The following ODAD2 variants were observed in gnomAD, a reference collection of about 807,000 sequenced individuals.
ODAD2 encodes the protein outer dynein arm-docking complex subunit 2.
A neutral mutation model predicts 106.8 loss-of-function variants in ODAD2; 89 were observed. The ratio of observed to expected loss-of-function variants is 0.83; its 90% CI spans 0.70 to 0.99. The LOEUF (loss-of-function observed/expected upper bound fraction) is 0.99, where lower values mean the gene tolerates loss of function less well. Ranked by LOEUF, ODAD2 falls within the 50% of genes least tolerant of loss-of-function variation. ODAD2 has a pLI of 0.00. For synonymous variants in ODAD2, 404 were observed against 436.2 expected, an observed-to-expected ratio of 0.93 and a Z score of 0.92; for missense variants, 1,168 against 1,238.5, an observed-to-expected ratio of 0.94 and a Z score of 0.85.
At chr10:27,959,598 C>T (rs1268851312) in intron 10 of ODAD2, among the ~76,000 whole-genome samples, 8 of 152,110 alleles carry the variant, frequency 5.3e-5, no homozygotes, top group African/African-American at 1.7e-4. Flanking sequence ...AGCATGTGGC[C>T]TGAATCTAGC....
chr10:27,927,854 T>G (rs1379644152), intron 16 of ODAD2, among the ~76,000 whole-genome samples: 1 of 152,172 alleles, frequency 6.6e-6, no homozygotes, highest in Non-Finnish European at 1.5e-5. Flanking sequence ...CTTCTGTTTT[T>G]GTCTTTCTTT....
chr10:27,830,804 T>C (rs1175157129), intron 19 of ODAD2, among the ~76,000 whole-genome samples: 16 of 152,186 alleles, frequency 1.1e-4, no homozygotes, highest in Admixed American at 1.0e-3. Context: ...TTAATATCAG[T>C]TTGGATCTGG....
At chr10:27,824,211 C>A (rs1836860698) in intron 19 of ODAD2, among the ~76,000 whole-genome samples, 2 of 149,306 alleles carry the variant, frequency 1.3e-5, no homozygotes, top group African/African-American at 4.9e-5. Context: ...TCTCTTGTAT[C>A]AGTCTCTAGT....
At chr10:27,969,282 T>C (rs989049276) in intron 8 of ODAD2, among the ~76,000 whole-genome samples, 1 of 151,802 alleles carries the variant, frequency 6.6e-6, no homozygotes, top group Non-Finnish European at 1.5e-5. Context: ...GTGTGAATCC[T>C]GCACCCGATG....
rs1845898387 is a variant in ODAD2 at position 27,935,347 on chromosome 10, T to C, written c.2253-95A>G. ...TTCAATCCTTACAACAACCCAATGA[T>C]ACAGATATTATTAAATCCCCATTAC... On this transcript the variant is annotated intron_variant, in intron 15 of 19. Transcript: ENST00000305242. 2.1e-6 allele frequency: 3 copies of C among 1,440,790 alleles called. No homozygotes were observed. In the Admixed American group the frequency reaches 5.9e-5, roughly 28 times the overall value. 89.3% of individuals were successfully genotyped at this position (1,440,790 alleles called of 1,614,324 possible). A position where few individuals can be genotyped will look rare whatever the true frequency, so the allele number is the denominator to read the frequency against.
intron 16 of ODAD2, among the ~76,000 whole-genome samples, chr10:27,911,334 A>C (rs1321709062): frequency 6.6e-6 from 1 of 152,162 alleles, no homozygotes; most frequent in Non-Finnish European, 1.5e-5. Context: ...CCTGCTCTGC[A>C]CGTGTCCAGG....
chr10:27,932,643 T>C (rs1365926292), intron 16 of ODAD2, among the ~76,000 whole-genome samples: 2 of 152,334 alleles, frequency 1.3e-5, no homozygotes, highest in African/African-American at 4.8e-5. Context: ...TCCTGTCTGA[T>C]ATGTTCATGC....
intron 16 of ODAD2, among the ~76,000 whole-genome samples, 195 bp from the exon 17 acceptor site, chr10:27,907,972 T>A (rs1843720983): frequency 6.6e-6 from 1 of 151,968 alleles, no homozygotes; most frequent in South Asian, 2.1e-4. Flanking sequence ...CAGTTTTAAA[T>A]CCATGACACA....
intron 17 of ODAD2, among the ~76,000 whole-genome samples, chr10:27,875,700 A>G (rs552298789): frequency 9.9e-5 from 15 of 152,256 alleles, no homozygotes; most frequent in Admixed American, 7.2e-4. Flanking sequence ...CAGTGGCTGC[A>G]GGACAGTGGG....
chr10:27,944,110 G>A (rs543338590), intron 12 of ODAD2, 112 bp downstream of exon 12: 1 of 892,166 alleles, frequency 1.1e-6, no homozygotes, highest in African/African-American at 1.7e-5. Context: ...GAAGGCTCCT[G>A]GAACACGCTC....
At chr10:27,934,913 C>A (rs958936537) in intron 16 of ODAD2, 97 bp downstream of exon 16, 1 of 1,405,154 alleles carries the variant, frequency 7.1e-7, no homozygotes. Flanking sequence ...TTTCATCATT[C>A]GTGCACATCA....
chr10:27,885,695 A>AT (rs1842106278), intron 17 of ODAD2, among the ~76,000 whole-genome samples: 1 of 49,064 alleles, frequency 2.0e-5, no homozygotes, highest in South Asian at 5.2e-4. Flanking sequence ...TATAATATAT[A>AT]ATATATATAA....
At chr10:27,889,845 A>G (rs913011615) in intron 17 of ODAD2, among the ~76,000 whole-genome samples, 1 of 152,168 alleles carries the variant, frequency 6.6e-6, no homozygotes, top group Non-Finnish European at 1.5e-5. Flanking sequence ...AACTGGCCCA[A>G]TTACATGAGT....
At chr10:27,917,386 A>T (rs1288954940) in intron 16 of ODAD2, among the ~76,000 whole-genome samples, 1 of 152,120 alleles carries the variant, frequency 6.6e-6, no homozygotes, top group East Asian at 1.9e-4. Context: ...CTTAAAGAAA[A>T]ATGTATACCT....
chr10:27,984,415 G>A (rs77509067), intron 4 of ODAD2, 125 bp from the exon 5 acceptor site: 26,597 of 660,812 alleles, frequency 0.04, 1,034 homozygotes, highest in East Asian at 0.15. Flanking sequence ...AATTTTAGCC[G>A]TGCTATAATT....
At chr10:27,892,360 G>C (rs1032456320) in intron 17 of ODAD2, among the ~76,000 whole-genome samples, 30 of 152,118 alleles carry the variant, frequency 2.0e-4, no homozygotes, top group African/African-American at 7.0e-4. Context: ...TTGGGTTCTT[G>C]ATAGACTAAA....
Position 27,885,737 on chromosome 10 carries a change from T to TATTATATATTATATATAATA in ODAD2, c.2610+21925_2610+21926insTATTATATATAATATATAAT, listed in dbSNP as rs1367530369. On this transcript the variant is annotated intron_variant, in intron 17 of 19. Coordinates refer to ENST00000305242, the MANE Select transcript of ODAD2 (RefSeq NM_018076.5). ...TATTATATATTATATATAAAATATATTATGTTATATATAATATATATTTTA... is the reference window on the plus strand; with the variant it reads ...TATTATATATTATATATAAAATATATATTATATATTATATATAATATATGTTATATATAATATATATTTTA... Among the ~76,000 whole-genome samples the TATTATATATTATATATAATA allele has an allele frequency of 6.5e-4, 31 of 47,476 alleles. 2 individuals are homozygous for TATTATATATTATATATAATA. Among genetic ancestry groups the TATTATATATTATATATAATA allele is most frequent in the Non-Finnish European group, 8.5e-4 (23 of 27,004 alleles). The allele number at this position is 47,476 out of a possible 152,430, so 31.1% of individuals were successfully genotyped here. A position where few individuals can be genotyped will look rare whatever the true frequency, so the allele number is the denominator to read the frequency against.
At chr10:27,949,019 A>G (rs1443093621) in intron 10 of ODAD2, among the ~76,000 whole-genome samples, 2 of 152,134 alleles carry the variant, frequency 1.3e-5, no homozygotes, top group Non-Finnish European at 2.9e-5. Context: ...CAAATAAAAT[A>G]TTTGAAATAA....
chr10:27,917,352 T>A (rs1298899886), intron 16 of ODAD2, among the ~76,000 whole-genome samples: 1 of 152,098 alleles, frequency 6.6e-6, no homozygotes, highest in African/African-American at 2.4e-5. Context: ...CAACTTATGT[T>A]TGTGGGATGA....
Sources: allele counts gnomAD v4.1 joint callset (sites outside exome capture counted in the v4.1 genomes callset), GRCh38; gene constraint gnomAD v4.1.1; transcripts MANE v1.5; gene names NCBI Gene and HGNC (gene_info 2026-07-23, HGNC 2026-07-21).